Variants in MAP2K3 observed in about 807,000 individuals in gnomAD.
MAP2K3 encodes mitogen-activated protein kinase kinase 3.
A neutral mutation model predicts 46.4 loss-of-function variants in MAP2K3; 30 were observed. That is an observed-to-expected ratio of 0.65 (90% CI 0.48 to 0.88). The LOEUF (loss-of-function observed/expected upper bound fraction) is 0.88. MAP2K3 is among the 40% of genes least tolerant of loss of function. The pLI is 0.00. For missense variants in MAP2K3, 380 were observed against 464.5 expected, an observed-to-expected ratio of 0.82 and a Z score of 1.67; for synonymous variants, 189 against 176.3, an observed-to-expected ratio of 1.07 and a Z score of -0.57.
At position 21,300,650 on chromosome 17, in the gene MAP2K3, G is replaced by A; in HGVS notation, c.271G>A (p.Ala91Thr). ...GCACGCCCAGAGCGGCACCATCATG[G>A]CCGTGAAGGTGAGCAGGGCCTGGAG... ...VRHAQSGTIM[A>T]VKRIRATVNS... Residue 91 changes from alanine (A) to threonine (T), a missense_variant, in exon 4 of 12, where the codon GCC becomes ACC. By Grantham distance (58) the Ala-to-Thr change is moderately conservative (BLOSUM62 0). Coordinates refer to ENST00000342679, the MANE Select transcript of MAP2K3 (RefSeq NM_145109.3). The A allele has an allele frequency of 6.2e-7, 1 of 1,609,798 alleles. No homozygotes were observed. Among genetic ancestry groups the A allele is most frequent in the Non-Finnish European group, 8.5e-7 (1 of 1,178,028 alleles).
intron 1 of MAP2K3, among the ~76,000 whole-genome samples, chr17:21,295,086 G>C (rs943283749): frequency 6.6e-6 from 1 of 152,312 alleles, no homozygotes; most frequent in East Asian, 1.9e-4. Flanking sequence ...AAGGCAAGAC[G>C]ACGTAGTAGC....
intron 1 of MAP2K3, among the ~76,000 whole-genome samples, chr17:21,292,382 TC>T (rs1404715916): frequency 2.2e-3 from 334 of 152,142 alleles, no homozygotes; most frequent in African/African-American, 7.8e-3. Flanking sequence ...CTTTCCTTCT[TC>T]TTCTCATTTT....
At chr17:21,293,758 G>A (rs1976080847) in intron 1 of MAP2K3, among the ~76,000 whole-genome samples, 1 of 152,308 alleles carries the variant, frequency 6.6e-6, no homozygotes, top group Non-Finnish European at 1.5e-5. Flanking sequence ...CCTACAAGGT[G>A]AGGATAGAGA....
At chr17:21,293,358 C>T (rs1466507283) in intron 1 of MAP2K3, among the ~76,000 whole-genome samples, 5 of 152,306 alleles carry the variant, frequency 3.3e-5, no homozygotes, top group Non-Finnish European at 7.3e-5. Flanking sequence ...CCCTTCCCTA[C>T]GTCCTTCCCT....
At position 21,298,880 on chromosome 17, in the gene MAP2K3, C is replaced by A. The variant is rs775653621; in HGVS notation, c.119C>A (p.Pro40His). The A allele has an allele frequency of 3.1e-6, 5 of 1,614,140 alleles. No individual in the cohort carries two copies. Among genetic ancestry groups the A allele is most frequent in the African/African-American group, 2.7e-5 (2 of 74,968 alleles). Residue 40 changes from proline (P) to histidine (H), a missense_variant and splice_region_variant, in exon 3 of 12, where the codon CCC becomes CAC. Physicochemically the swap from Pro to His is moderately conservative, Grantham distance 77. Transcript: ENST00000342679. Reference protein sequence around the residue: ...MSKPPAPNPTPPRNLDSRTFI... With the variant: ...MSKPPAPNPTHPRNLDSRTFI... Reference sequence around the variant, plus strand: ...CACGGAGTCTTCTTTCTCCACAGACCCCCCCGGAACCTGGACTCCCGGACC... The same window carrying A: ...CACGGAGTCTTCTTTCTCCACAGACACCCCCGGAACCTGGACTCCCGGACC...
At chr17:21,305,851 G>A (rs1297493538) in intron 9 of MAP2K3, among the ~76,000 whole-genome samples, 3 of 152,304 alleles carry the variant, frequency 2.0e-5, no homozygotes, top group East Asian at 1.9e-4. Context: ...TCAGCAGGTC[G>A]GGCTCAGGCT....
In MAP2K3 at chr17:21,312,239, C is replaced by A. The variant is rs756613703; in HGVS notation, c.872C>A (p.Ala291Asp). ...GAGGAGCCGTCCCCCCAGCTCCCAGCCGACCGTTTCTCCCCCGAGTTTGTG... is the reference window on the plus strand; with the variant it reads ...GAGGAGCCGTCCCCCCAGCTCCCAGACGACCGTTTCTCCCCCGAGTTTGTG... ...VVEEPSPQLPADRFSPEFVDF... is the reference protein window; with the variant it reads ...VVEEPSPQLPDDRFSPEFVDF... The change falls in exon 10 of 12, where the codon GCC (alanine) becomes GAC (aspartate). Residue 291 changes from alanine (A) to aspartate (D), a missense_variant. Transcript: ENST00000342679. The A allele has an allele frequency of 1.2e-6, 2 of 1,602,634 alleles. No homozygotes were observed. The highest frequency in any genetic ancestry group is 1.7e-6 in the Non-Finnish European group (2 of 1,176,214).
intron 1 of MAP2K3, among the ~76,000 whole-genome samples, chr17:21,297,704 C>T (rs1359639417): frequency 6.6e-5 from 4 of 60,998 alleles, no homozygotes; most frequent in Non-Finnish European, 1.1e-4. Flanking sequence ...CTCTTGTAGC[C>T]AGCCTGAGAG....
rs1385261269 is a variant in MAP2K3, at chr17:21,302,143, G to A, written c.400G>A (p.Gly134Arg). The A allele has an allele frequency of 6.2e-7, 1 of 1,614,274 alleles. No homozygotes were observed. Among genetic ancestry groups the A allele is most frequent in the Non-Finnish European group, 8.5e-7 (1 of 1,180,024 alleles). The change falls in exon 6 of 12, where the codon GGA (glycine) becomes AGA (arginine). Residue 134 changes from glycine (G) to arginine (R), a missense_variant and splice_region_variant. Gly to Arg is a moderately radical substitution (Grantham distance 125). Around this residue, in one of 5 missense-constraint regions of MAP2K3, gnomAD observed 294 missense variants for 275.4 expected, o/e 1.07. Coordinates refer to ENST00000342679, the MANE Select transcript of MAP2K3 (RefSeq NM_145109.3). ...GCTGAGCTCTGGGTGTCACCCACAGGGAGACGTGTGGATCTGCATGGAGCT... is the reference window on the plus strand; with the variant it reads ...GCTGAGCTCTGGGTGTCACCCACAGAGAGACGTGTGGATCTGCATGGAGCT... ...VTFYGALFRE[G>R]DVWICMELMD...
At chr17:21,299,137 G>C (rs1023515017) in intron 3 of MAP2K3, among the ~76,000 whole-genome samples, 5 of 152,312 alleles carry the variant, frequency 3.3e-5, no homozygotes, top group Admixed American at 6.5e-5. Context: ...TCGGCTGCCT[G>C]ACTGGAGCTT....
In MAP2K3 at chr17:21,304,604, A is replaced by C. The variant is rs7209761; in HGVS notation, c.696+51A>C. 11 of 1,608,942 alleles carry C rather than the reference A, an allele frequency of 6.8e-6. No individual in the cohort carries two copies. The East Asian group carries it at 9.0e-5, about 13-fold the overall frequency. ...CTCAGGAGAGGATGGGGCGGGGAGA[A>C]ATCTGCCCAGGCTGGCCACCCCGGC... On this transcript the variant is annotated intron_variant, in intron 8 of 11. Transcript: ENST00000342679.
rs1245747869 is a variant in MAP2K3, at chr17:21,287,108, G to T, written c.49+2139G>T. On this transcript the variant is annotated intron_variant, in intron 1 of 11. Transcript: ENST00000342679. ...GTGTTTCCACAGTGGCCTTCCCCGT[G>T]CTCCCCTATGTGCCCCTCCCATGCT... Among the ~76,000 whole-genome samples, 3 of 152,246 alleles carry T rather than the reference G, an allele frequency of 2.0e-5. No individual in the cohort carries two copies. The East Asian group carries it at 5.8e-4, about 29-fold the overall frequency.
chr17:21,294,119 T>G (rs1326350313), intron 1 of MAP2K3, among the ~76,000 whole-genome samples: 6 of 152,306 alleles, frequency 3.9e-5, no homozygotes, highest in Non-Finnish European at 7.3e-5. Flanking sequence ...GGGGCCTCAG[T>G]TTCCCCCGTG....
intron 1 of MAP2K3, among the ~76,000 whole-genome samples, chr17:21,294,522 T>G (rs1218176036): frequency 6.6e-6 from 1 of 152,306 alleles, no homozygotes; most frequent in Non-Finnish European, 1.5e-5. Flanking sequence ...GTGGGGGCCC[T>G]GCCCTCAGGC....
At chr17:21,297,791 G>A (rs36186131) in intron 1 of MAP2K3, among the ~76,000 whole-genome samples, 1 of 35,892 alleles carries the variant, frequency 2.8e-5, no homozygotes, top group Non-Finnish European at 7.8e-5. Context: ...TGGCCTGCCT[G>A]GTGCAGGGGA....
chr17:21,289,305 C>T (rs1028993650), intron 1 of MAP2K3, among the ~76,000 whole-genome samples: 4 of 152,144 alleles, frequency 2.6e-5, no homozygotes, highest in Admixed American at 1.3e-4. Context: ...CTGGCTTTGG[C>T]ATGCAGCATT....
At chr17:21,296,064 G>GA (rs1976227505) in intron 1 of MAP2K3, 1 of 1,107,300 alleles carries the variant, frequency 9.0e-7, no homozygotes, top group Non-Finnish European at 1.2e-6. Context: ...ACTTAGGGCA[G>GA]TTTTTTTTTT....
chr17:21,306,511 G>C (rs1976897081), intron 9 of MAP2K3, among the ~76,000 whole-genome samples: 1 of 2,456 alleles, frequency 4.1e-4, no homozygotes, highest in Admixed American at 2.5e-3. Flanking sequence ...TTTTGACACA[G>C]AGTCTCACTT....
intron 1 of MAP2K3, chr17:21,295,564 G>A (rs1976191932): frequency 8.0e-7 from 1 of 1,252,712 alleles, no homozygotes; most frequent in Non-Finnish European, 1.0e-6. Context: ...AGCAGCCTGA[G>A]GCCTGTTTCT....
Sources: allele counts gnomAD v4.1 joint callset (sites outside exome capture counted in the v4.1 genomes callset), GRCh38; gene constraint gnomAD v4.1.1; regional missense constraint gnomAD v4.1.1; transcripts MANE v1.5; gene names NCBI Gene and HGNC (gene_info 2026-07-23, HGNC 2026-07-21).